Variants in RASGRF2 observed in about 807,000 individuals in gnomAD.
The protein encoded by RASGRF2 is Ras protein specific guanine nucleotide releasing factor 2, also known as ras-specific guanine nucleotide-releasing factor 2.
RASGRF2 carries 76 observed loss-of-function variants against 151.0 expected under a neutral mutation model. That is an observed-to-expected ratio of 0.50 (90% CI 0.42 to 0.61). The LOEUF (loss-of-function observed/expected upper bound fraction) is 0.61, where lower values mean the gene tolerates loss of function less well. Ranked by LOEUF, RASGRF2 falls within the 20% of genes least tolerant of loss-of-function variation. RASGRF2 has a pLI of 0.00. For synonymous variants in RASGRF2, 504 were observed against 566.5 expected (o/e 0.89, Z 1.57); for missense variants, 1,148 against 1,564.6 (o/e 0.73, Z 4.49).
Position 81,053,948 on chromosome 5 carries a change from C to T in RASGRF2, c.395+10965C>T, listed in dbSNP as rs1040397797. Among the ~76,000 whole-genome samples, 16 of 152,130 alleles carry T rather than the reference C, an allele frequency of 1.1e-4. 1 individual carries two copies. The highest frequency in any genetic ancestry group is 4.1e-4 in the South Asian group (2 of 4,824). On this transcript the variant is annotated intron_variant, in intron 2 of 26. Transcript: ENST00000265080. ...TCTTTTGAGAAGTGTCTGTTCATAT[C>T]CTTCACCCACTTGTTGATGGGGTTG... is the stretch of plus-strand genomic sequence containing the variant.
chr5:81,153,933 G>GA (rs1754196228), intron 17 of RASGRF2, among the ~76,000 whole-genome samples: 1 of 115,810 alleles, frequency 8.6e-6, no homozygotes, highest in African/African-American at 3.8e-5. Flanking sequence ...TAGACTGTAA[G>GA]ACCAAAAAAA....
At chr5:81,070,625 G>T in intron 4 of RASGRF2, 44 bp downstream of exon 4, 1 of 1,512,454 alleles carries the variant, frequency 6.6e-7, no homozygotes, top group Non-Finnish European at 9.2e-7. Flanking sequence ...ATGGTGACCA[G>T]TCGTCTGTTC....
chr5:80,969,641 C>T (rs544522097), intron 1 of RASGRF2, among the ~76,000 whole-genome samples: 19 of 149,930 alleles, frequency 1.3e-4, no homozygotes, highest in Non-Finnish European at 2.2e-4. Context: ...TTAGTAGAGA[C>T]GGGGTTTCAC....
intron 1 of RASGRF2, among the ~76,000 whole-genome samples, chr5:81,013,180 A>G (rs566220952): frequency 6.6e-6 from 1 of 152,280 alleles, no homozygotes; most frequent in South Asian, 2.1e-4. Context: ...TGTCTTTCCT[A>G]TAGTAGGTAG....
At chr5:81,183,825 A>G (rs777108252) in intron 18 of RASGRF2, among the ~76,000 whole-genome samples, 3 of 152,222 alleles carry the variant, frequency 2.0e-5, no homozygotes, top group Non-Finnish European at 2.9e-5. Context: ...GAGAACAACC[A>G]TCCCTGCTTT....
At chr5:81,065,275 C>T (rs1290078490) in intron 2 of RASGRF2, among the ~76,000 whole-genome samples, 3 of 152,148 alleles carry the variant, frequency 2.0e-5, no homozygotes, top group Non-Finnish European at 4.4e-5. Flanking sequence ...TATTCTGTAA[C>T]AAATTATCAC....
chr5:80,961,287 G>A (rs776866946), intron 1 of RASGRF2, among the ~76,000 whole-genome samples: 1 of 152,214 alleles, frequency 6.6e-6, no homozygotes, highest in Non-Finnish European at 1.5e-5. Flanking sequence ...CCCTGGTAGA[G>A]GTCGAGTCGT....
In RASGRF2 at chr5:81,080,756, G is replaced by A; in HGVS notation, c.1128G>A (p.Met376Ile). Residue 376 changes from methionine to isoleucine, a missense_variant, in exon 7 of 27, where the codon ATG becomes ATA. Physicochemically the swap from Met to Ile is conservative, Grantham distance 10. Transcript: ENST00000265080. ...YEANPACEGR[M>I]LETFLTYPMF... ...CCAATCCAGCCTGTGAGGGGAGGAT[G>A]CTGGAGACATTCTTGACCTATCCCA... is the stretch of plus-strand genomic sequence containing the variant. The A allele has an allele frequency of 6.2e-7, 1 of 1,614,160 alleles. No individual in the cohort carries two copies. Among genetic ancestry groups the A allele is most frequent in the Non-Finnish European group, 8.5e-7 (1 of 1,180,016 alleles).
rs181114806 is a variant in RASGRF2 at position 81,085,517 on chromosome 5, G to C, written c.1162-285G>C. The stretch of plus-strand genomic sequence containing the variant: ...AGTTTTCAAAAATTATGATTCAAAA[G>C]TGTATGATTATGTAAAAAAAAATTA... On this transcript the variant is annotated intron_variant, in intron 7 of 26. Transcript: ENST00000265080. Among the ~76,000 whole-genome samples the C allele has an allele frequency of 3.2e-4, 48 of 152,116 alleles. No homozygotes were observed. In the East Asian group the frequency reaches 8.1e-3, roughly 26 times the overall value.
At chr5:81,217,572 TTC>T (rs369490832) in intron 25 of RASGRF2, 99 bp downstream of exon 25, 19 of 492,712 alleles carry the variant, frequency 3.9e-5, no homozygotes, top group East Asian at 5.3e-5. Flanking sequence ...TTTTTTTCTC[TTC>T]TTTTTTTTTT....
At chr5:81,013,807 T>A (rs1749546348) in intron 1 of RASGRF2, among the ~76,000 whole-genome samples, 1 of 152,136 alleles carries the variant, frequency 6.6e-6, no homozygotes, top group Admixed American at 6.5e-5. Context: ...GTGTTATCAG[T>A]GTTCTCTTAC....
chr5:81,022,770 G>C (rs1031179148), intron 1 of RASGRF2, among the ~76,000 whole-genome samples: 20 of 152,132 alleles, frequency 1.3e-4, no homozygotes, highest in African/African-American at 4.8e-4. Flanking sequence ...GGGCTGTAAT[G>C]GCAGCTGGGA....
intron 1 of RASGRF2, among the ~76,000 whole-genome samples, chr5:80,985,674 G>A (rs1350338815): frequency 1.1e-4 from 17 of 152,112 alleles, no homozygotes; most frequent in African/African-American, 2.9e-4. Context: ...AATTGTGATC[G>A]CCAGTGACTT....
At chr5:81,197,939 A>C (rs1755303932) in intron 18 of RASGRF2, among the ~76,000 whole-genome samples, 2 of 152,172 alleles carry the variant, frequency 1.3e-5, no homozygotes, top group Admixed American at 6.5e-5. Flanking sequence ...AAAGAGACAC[A>C]ATTCTACCTT....
At chr5:80,998,012 C>T (rs999575115) in intron 1 of RASGRF2, 1 of 151,772 alleles carries the variant, frequency 6.6e-6, no homozygotes, top group East Asian at 1.9e-4. Context: ...ACTTTGAGCT[C>T]TCTCCATTGG....
chr5:80,977,846 A>G (rs1422971535), intron 1 of RASGRF2, among the ~76,000 whole-genome samples: 7 of 152,238 alleles, frequency 4.6e-5, no homozygotes, highest in Non-Finnish European at 8.8e-5. Flanking sequence ...TTTGGATGCT[A>G]CAGATGTGTA....
intron 1 of RASGRF2, among the ~76,000 whole-genome samples, chr5:80,967,074 TA>T (rs1252950029): frequency 2.6e-5 from 4 of 152,122 alleles, no homozygotes; most frequent in Non-Finnish European, 4.4e-5. Flanking sequence ...TAAAATGATG[TA>T]AAAAAAGCAA....
At chr5:81,033,633 A>G (rs1175972896) in intron 1 of RASGRF2, among the ~76,000 whole-genome samples, 1 of 151,270 alleles carries the variant, frequency 6.6e-6, no homozygotes, top group Non-Finnish European at 1.5e-5. Flanking sequence ...CTTACACCTT[A>G]TACAAAAATT....
At chr5:81,224,149 C>T (rs190760685) in intron 26 of RASGRF2, among the ~76,000 whole-genome samples, 8 of 152,122 alleles carry the variant, frequency 5.3e-5, no homozygotes, top group African/African-American at 1.9e-4. Flanking sequence ...AACTGGTAAA[C>T]CTGTGAATAG....
Sources: allele counts gnomAD v4.1 joint callset (sites outside exome capture counted in the v4.1 genomes callset), GRCh38; gene constraint gnomAD v4.1.1; transcripts MANE v1.5; gene names NCBI Gene and HGNC (gene_info 2026-07-23, HGNC 2026-07-21).